STK32A: variants seen among roughly 807,000 people sequenced by gnomAD.
The protein encoded by STK32A is serine/threonine-protein kinase 32A.
STK32A carries 41 observed loss-of-function variants against 53.2 expected under a neutral mutation model. The ratio of observed to expected loss-of-function variants is 0.77; its 90% CI spans 0.60 to 1.00. The LOEUF (loss-of-function observed/expected upper bound fraction) is 1.00. Ranked by LOEUF, STK32A falls within the 50% of genes least tolerant of loss-of-function variation. The pLI is 0.00. For synonymous variants in STK32A, 166 were observed against 162.8 expected (o/e 1.02, Z -0.15); for missense variants, 458 against 485.8 (o/e 0.94, Z 0.54).
At chr5:147,348,230 A>G (rs1349081810) in intron 6 of STK32A, among the ~76,000 whole-genome samples, 9 of 152,202 alleles carry the variant, frequency 5.9e-5, no homozygotes, top group Admixed American at 5.9e-4. Context: ...AACATTTTGA[A>G]AACTGAATCA....
At chr5:147,342,864 G>C (rs1020732817) in intron 5 of STK32A, 142 bp from the exon 6 acceptor site, 14 of 653,286 alleles carry the variant, frequency 2.1e-5, no homozygotes, top group Non-Finnish European at 3.4e-5. Flanking sequence ...AATTTACTGT[G>C]AGAATTGAAT....
In STK32A at chr5:147,256,185, G is replaced by T. The variant is rs144401165; in HGVS notation, c.52+16499G>T. Among the ~76,000 whole-genome samples, 1,506 of 152,238 alleles carry T rather than the reference G, an allele frequency of 9.9e-3. 22 individuals are homozygous for T. The highest frequency in any genetic ancestry group is 0.034 in the African/African-American group (1,410 of 41,532). ...TCTTAAGCTCACTGCATCCCTTCAG[G>T]TCTCCAAGGAACACTAAGTTTCCTC... is the stretch of plus-strand genomic sequence containing the variant. On this transcript the variant is annotated intron_variant, in intron 2 of 12. Coordinates refer to ENST00000397936, the MANE Select transcript of STK32A (RefSeq NM_001112724.2).
chr5:147,325,331 A>G (rs1754525290), intron 5 of STK32A, among the ~76,000 whole-genome samples: 1 of 149,700 alleles, frequency 6.7e-6, no homozygotes, highest in Admixed American at 6.6e-5. Context: ...ATATATATAT[A>G]TTAGAGAGAT....
chr5:147,349,503 T>C (rs1412284981), intron 6 of STK32A, among the ~76,000 whole-genome samples: 1 of 152,204 alleles, frequency 6.6e-6, no homozygotes, highest in Non-Finnish European at 1.5e-5. Context: ...GCTAACATAA[T>C]AGGCTTGTTT....
chr5:147,340,887 A>C (rs528045232), intron 5 of STK32A, among the ~76,000 whole-genome samples: 1 of 152,168 alleles, frequency 6.6e-6, no homozygotes, highest in Non-Finnish European at 1.5e-5. Context: ...GAGTAGGTAA[A>C]TATCTGATGA....
chr5:147,317,120 C>T (rs1486159672), intron 4 of STK32A, among the ~76,000 whole-genome samples: 1 of 140,862 alleles, frequency 7.1e-6, no homozygotes, highest in Non-Finnish European at 1.5e-5. Context: ...AAGTGCATAC[C>T]ACTATCTGTG....
intron 4 of STK32A, among the ~76,000 whole-genome samples, chr5:147,307,454 C>T (rs1018130484): frequency 6.6e-6 from 1 of 151,842 alleles, no homozygotes; most frequent in African/African-American, 2.4e-5. Flanking sequence ...AACACCATCT[C>T]TATTAAAAAT....
At chr5:147,383,558 C>A in intron 12 of STK32A, 53 bp downstream of exon 12, 1 of 1,345,042 alleles carries the variant, frequency 7.4e-7, no homozygotes. Flanking sequence ...ATGTTTCAGC[C>A]AGACTTTACT....
At chr5:147,320,765 A>G (rs141896714) in intron 4 of STK32A, among the ~76,000 whole-genome samples, 2 of 152,158 alleles carry the variant, frequency 1.3e-5, no homozygotes, top group African/African-American at 2.4e-5. Flanking sequence ...TCATGAGTGC[A>G]GGCACAGGTG....
chr5:147,351,195 A>G (rs746437166), intron 7 of STK32A, 41 bp downstream of exon 7: 21 of 1,516,056 alleles, frequency 1.4e-5, no homozygotes, highest in Non-Finnish European at 1.8e-5. Context: ...CTTTCCTGTA[A>G]ATACCATTTA....
intron 11 of STK32A, among the ~76,000 whole-genome samples, chr5:147,380,190 T>C (rs966224333): frequency 1.3e-5 from 2 of 152,214 alleles, no homozygotes; most frequent in Non-Finnish European, 2.9e-5. Context: ...AAATTATTTT[T>C]CCTAAAATCT....
intron 4 of STK32A, among the ~76,000 whole-genome samples, chr5:147,302,389 G>C (rs1299937090): frequency 2.0e-5 from 3 of 152,182 alleles, no homozygotes. Flanking sequence ...ATGGAAGTCA[G>C]AGTTCCGAAG....
In STK32A at chr5:147,381,278, A is replaced by G. The variant is rs547371565; in HGVS notation, c.1033-2163A>G. On this transcript the variant is annotated intron_variant, in intron 11 of 12. Transcript: ENST00000397936. ...TGATAAGAAATCTGCCCGTCATCTT[A>G]TGATGTACTTGACAAATTTTTTCTC... 5.3e-5 allele frequency among the ~76,000 whole-genome samples: 8 copies of G among 152,252 alleles called. No individual in the cohort carries two copies. In the East Asian group the frequency reaches 1.5e-3, roughly 29 times the overall value.
At chr5:147,397,780 C>T in the STK32A span, 2 of 1,614,154 alleles carry the variant, frequency 1.2e-6, no homozygotes, top group Non-Finnish European at 1.7e-6. Context: ...TGATCTTGCC[C>T]TGGCAGATGA....
chr5:147,360,450 C>CAAAAAAAAAAAAAAAAGAAAAA (rs1756448600), intron 7 of STK32A, among the ~76,000 whole-genome samples: 1 of 81,204 alleles, frequency 1.2e-5, no homozygotes, highest in Admixed American at 1.4e-4. Context: ...GATTCTGTCT[C>CAAAAAAAAAAAAAAAAGAAAAA]AAAAAAAAAA....
intron 2 of STK32A, among the ~76,000 whole-genome samples, chr5:147,268,385 T>A (rs1754897986): frequency 1.1e-4 from 17 of 152,154 alleles, no homozygotes; most frequent in Admixed American, 1.1e-3. Context: ...TTCCTGCTAC[T>A]TTCTCCCATT....
the STK32A span, among the ~76,000 whole-genome samples, chr5:147,397,189 T>C: frequency 5.4e-4 from 80 of 147,256 alleles, no homozygotes; most frequent in African/African-American, 1.5e-3. Context: ...TATATATATA[T>C]ACACACATAT....
intron 4 of STK32A, among the ~76,000 whole-genome samples, chr5:147,290,991 T>C (rs1752573925): frequency 6.6e-6 from 1 of 152,140 alleles, no homozygotes; most frequent in Admixed American, 6.6e-5. Context: ...TTATTCTTTA[T>C]ATCACAAATT....
intron 2 of STK32A, among the ~76,000 whole-genome samples, chr5:147,267,515 TA>T (rs1403968618): frequency 1.3e-5 from 2 of 152,170 alleles, no homozygotes; most frequent in African/African-American, 4.8e-5. Flanking sequence ...GCTGTTTTGG[TA>T]AAAAGTAAAT....
Sources: allele counts gnomAD v4.1 joint callset (sites outside exome capture counted in the v4.1 genomes callset), GRCh38; gene constraint gnomAD v4.1.1; transcripts MANE v1.5; gene names NCBI Gene and HGNC (gene_info 2026-07-23, HGNC 2026-07-21).